TP63: variants seen among roughly 807,000 people sequenced by gnomAD.
The protein encoded by TP63 is tumor protein 63.
In TP63, 17 loss-of-function variants were observed where a neutral mutation model predicts 82.8. The ratio of observed to expected loss-of-function variants is 0.21; its 90% CI spans 0.14 to 0.31. The LOEUF is 0.31. TP63 is among the 10% of genes least tolerant of loss of function. The pLI, the probability that TP63 is intolerant of heterozygous loss-of-function variation, is 1.00. For synonymous variants in TP63, 330 were observed against 321.7 expected, an observed-to-expected ratio of 1.03 and a Z score of -0.28; for missense variants, 648 against 895.3, an observed-to-expected ratio of 0.72 and a Z score of 3.52.
At chr3:189,682,160 A>G (rs1235367226) in intron 1 of TP63, among the ~76,000 whole-genome samples, 1 of 152,148 alleles carries the variant, frequency 6.6e-6, no homozygotes, top group African/African-American at 2.4e-5. Context: ...GAGTGATGAC[A>G]TTCTTAATAT....
rs1368958098 is a variant in TP63 at position 189,896,094 on chromosome 3, AT to A, written c.*1599del. ...TCCAGATCTTTCAGAAATATAACAC[AT>A]TTTTTTGCATGCATGCAAATGAGCT... On this transcript the variant is annotated 3_prime_UTR_variant, in exon 14 of 14. Coordinates refer to ENST00000264731, the MANE Select transcript of TP63 (RefSeq NM_003722.5). 3 of 223,172 alleles carry A rather than the reference AT, an allele frequency of 1.3e-5. No individual in the cohort carries two copies. Among genetic ancestry groups the A allele is most frequent in the East Asian group, 6.5e-5 (1 of 15,296 alleles). The allele number at this position is 223,172 out of a possible 1,614,324, so 13.8% of individuals were successfully genotyped here.
rs1157216963 is a variant in TP63, at chr3:189,872,848, C to T, written c.1213-11C>T. ...TCATGTTTCCTTCTTTCCTTCTGCTCACTTCCATAGGTGAGGGGCCGTGAG... is the reference window on the plus strand; with the variant it reads ...TCATGTTTCCTTCTTTCCTTCTGCTTACTTCCATAGGTGAGGGGCCGTGAG... On this transcript the variant is annotated splice_polypyrimidine_tract_variant and intron_variant, in intron 9 of 13. Transcript: ENST00000264731. 3 of 1,614,004 alleles carry T rather than the reference C, an allele frequency of 1.9e-6. No individual in the cohort carries two copies. The highest frequency in any genetic ancestry group is 2.5e-6 in the Non-Finnish European group (3 of 1,179,994).
At chr3:189,639,901 CTGT>C (rs1363223745) in intron 1 of TP63, among the ~76,000 whole-genome samples, 6 of 152,108 alleles carry the variant, frequency 3.9e-5, no homozygotes, top group Non-Finnish European at 8.8e-5. Flanking sequence ...TGCCTTAAGA[CTGT>C]TGATTGCATT....
At chr3:189,815,022 C>T (rs1347095747) in intron 4 of TP63, among the ~76,000 whole-genome samples, 4 of 151,942 alleles carry the variant, frequency 2.6e-5, no homozygotes, top group Admixed American at 2.6e-4. Flanking sequence ...CAGCAAAAAT[C>T]CTCTGCTTTT....
chr3:189,804,282 C>T (rs1036455362), intron 3 of TP63, among the ~76,000 whole-genome samples: 2 of 152,122 alleles, frequency 1.3e-5, no homozygotes, highest in Non-Finnish European at 2.9e-5. Context: ...CCCTTTACCC[C>T]GCCAGATTTG....
Position 189,838,206 on chromosome 3 carries a change from A to G in TP63, c.580-26026A>G, listed in dbSNP as rs1477588267. ...TTCCTCTCTCCTATTTATTCTTCCT[A>G]CCTTTTTGTTGTTGCTGTGAGTGTC... On this transcript the variant is annotated intron_variant, in intron 4 of 13. Transcript: ENST00000264731. Among the ~76,000 whole-genome samples, 4 of 150,224 alleles carry G rather than the reference A, an allele frequency of 2.7e-5. No individual in the cohort carries two copies. In the South Asian group the frequency reaches 6.3e-4, roughly 24 times the overall value.
At chr3:189,697,275 C>T (rs1397114346) in intron 1 of TP63, among the ~76,000 whole-genome samples, 2 of 140,254 alleles carry the variant, frequency 1.4e-5, no homozygotes, top group East Asian at 2.0e-4. Flanking sequence ...ATTGTTTCAG[C>T]ACCATTTGTT....
intron 4 of TP63, among the ~76,000 whole-genome samples, chr3:189,846,267 C>T (rs1714854421): frequency 6.6e-6 from 1 of 152,148 alleles, no homozygotes; most frequent in Admixed American, 6.5e-5. Flanking sequence ...TTCCTCCCCT[C>T]CCTCCCAAAG....
intron 1 of TP63, among the ~76,000 whole-genome samples, chr3:189,648,472 C>T (rs1712607921): frequency 6.8e-6 from 1 of 147,372 alleles, no homozygotes; most frequent in Non-Finnish European, 1.5e-5. Flanking sequence ...TCAATAACTA[C>T]TGACTGAATG....
chr3:189,858,952 A>G (rs1285470950), intron 4 of TP63, among the ~76,000 whole-genome samples: 3 of 152,188 alleles, frequency 2.0e-5, no homozygotes, highest in African/African-American at 7.2e-5. Flanking sequence ...AGGGGTTACC[A>G]GAGGCTGAGA....
At chr3:189,818,134 T>A (rs549875054) in intron 4 of TP63, among the ~76,000 whole-genome samples, 2 of 152,002 alleles carry the variant, frequency 1.3e-5, no homozygotes, top group East Asian at 3.9e-4. Flanking sequence ...ATTTATAAAA[T>A]ATAAAAATGT....
chr3:189,794,533 AG>A (rs1218458950), intron 3 of TP63, among the ~76,000 whole-genome samples: 1 of 152,056 alleles, frequency 6.6e-6, no homozygotes, highest in Non-Finnish European at 1.5e-5. Flanking sequence ...GCATCAGCAA[AG>A]GGAAGGGGGG....
rs1314142577 is a variant in TP63, at chr3:189,805,808, A to C, written c.325-2464A>C. ...GGATTTGAAGGAAGAAAGTATTGCA[A>C]CAGAGTCACCGTATACTTTGAACTG... On this transcript the variant is annotated intron_variant, in intron 3 of 13. Transcript: ENST00000264731. 3.3e-5 allele frequency among the ~76,000 whole-genome samples: 5 copies of C among 152,332 alleles called. No homozygotes were observed. The South Asian group carries it at 1.0e-3, about 32-fold the overall frequency.
At chr3:189,610,929 G>T in the TP63 span, among the ~76,000 whole-genome samples, 1 of 152,094 alleles carries the variant, frequency 6.6e-6, no homozygotes, top group African/African-American at 2.4e-5. Context: ...GAGCGCTTGT[G>T]CAGGAAAACT....
chr3:189,675,076 G>T (rs1235284283), intron 1 of TP63, among the ~76,000 whole-genome samples: 1 of 152,102 alleles, frequency 6.6e-6, no homozygotes, highest in Non-Finnish European at 1.5e-5. Flanking sequence ...GCACTAGCAC[G>T]TTTGGTGTCC....
intron 3 of TP63, among the ~76,000 whole-genome samples, chr3:189,752,628 G>A (rs552216346): frequency 3.1e-4 from 47 of 151,936 alleles, no homozygotes; most frequent in African/African-American, 1.0e-3. Flanking sequence ...TCAGCTTATC[G>A]GTTTCCCTGT....
chr3:189,858,975 G>C (rs1000398291), intron 4 of TP63, among the ~76,000 whole-genome samples: 6 of 152,102 alleles, frequency 3.9e-5, no homozygotes, highest in Admixed American at 2.6e-4. Flanking sequence ...GGGACACGGG[G>C]TGAGGGGAAA....
intron 1 of TP63, among the ~76,000 whole-genome samples, chr3:189,672,525 C>T (rs938151210): frequency 6.6e-6 from 1 of 151,796 alleles, no homozygotes; most frequent in Non-Finnish European, 1.5e-5. Flanking sequence ...TTACTTGAAC[C>T]TGGCAGGGGA....
intron 1 of TP63, among the ~76,000 whole-genome samples, chr3:189,672,722 C>T (rs141796379): frequency 1.5e-5 from 2 of 130,836 alleles, no homozygotes; most frequent in Middle Eastern, 4.8e-3. Flanking sequence ...GGAAGGCAGG[C>T]AGGCAGGTAA....
Sources: gnomAD v4.1 joint callset for allele counts (sites outside exome capture counted in the v4.1 genomes callset) on GRCh38, gnomAD v4.1.1 for gene constraint, MANE v1.5 for transcripts, NCBI Gene and HGNC (gene_info 2026-07-23, HGNC 2026-07-21) for gene names.